The following MAD1L1 variants were observed in gnomAD, a reference collection of about 807,000 sequenced individuals.
The protein encoded by MAD1L1 is mitotic arrest deficient 1 like 1, also known as mitotic spindle assembly checkpoint protein MAD1.
A neutral mutation model predicts 96.9 loss-of-function variants in MAD1L1; 95 were observed. The observed-to-expected ratio is 0.98, with a 90% confidence interval of 0.83 to 1.16. The LOEUF (loss-of-function observed/expected upper bound fraction) is 1.16. MAD1L1 is among the 50% of genes most tolerant of loss of function. The pLI, the probability that MAD1L1 is intolerant of heterozygous loss-of-function variation, is 0.00. For synonymous variants in MAD1L1, 473 were observed against 396.6 expected, an observed-to-expected ratio of 1.19 and a Z score of -2.29; for missense variants, 1,007 against 954.4, an observed-to-expected ratio of 1.06 and a Z score of -0.73.
At chr7:1,890,534 T>C (rs1786472592) in intron 18 of MAD1L1, among the ~76,000 whole-genome samples, 2 of 152,228 alleles carry the variant, frequency 1.3e-5, no homozygotes, top group Non-Finnish European at 1.5e-5. Context: ...CCACCAGAAT[T>C]GTGAGCCAAA....
At chr7:1,902,172 C>T (rs896543077) in intron 17 of MAD1L1, among the ~76,000 whole-genome samples, 1 of 152,210 alleles carries the variant, frequency 6.6e-6, no homozygotes, top group Non-Finnish European at 1.5e-5. Context: ...AGCCCCACAC[C>T]TGCCTCCTCC....
intron 11 of MAD1L1, among the ~76,000 whole-genome samples, chr7:2,145,370 C>T (rs1789245888): frequency 6.6e-6 from 1 of 152,228 alleles, no homozygotes; most frequent in South Asian, 2.1e-4. Flanking sequence ...CTTCTTGCCT[C>T]TACCAACTCC....
At chr7:2,099,402 T>C (rs1021453133) in intron 11 of MAD1L1, among the ~76,000 whole-genome samples, 1 of 152,240 alleles carries the variant, frequency 6.6e-6, no homozygotes, top group Non-Finnish European at 1.5e-5. Context: ...TATTCCTCTC[T>C]CGCTGCCTTC....
At chr7:1,988,662 C>T (rs1781269557) in intron 14 of MAD1L1, among the ~76,000 whole-genome samples, 1 of 152,206 alleles carries the variant, frequency 6.6e-6, no homozygotes. Context: ...AGGCGCACAG[C>T]GTGGCTGGGG....
At chr7:2,137,555 G>C (rs3778996) in intron 11 of MAD1L1, among the ~76,000 whole-genome samples, 2 of 151,966 alleles carry the variant, frequency 1.3e-5, no homozygotes, top group Admixed American at 6.6e-5. Flanking sequence ...CTCTGGCCCA[G>C]GTGAGTGAGG....
intron 10 of MAD1L1, among the ~76,000 whole-genome samples, chr7:2,163,350 G>A (rs955728200): frequency 6.6e-6 from 1 of 152,092 alleles, no homozygotes; most frequent in Non-Finnish European, 1.5e-5. Flanking sequence ...CTTGAGAATG[G>A]GCACACAGGC....
intron 11 of MAD1L1, among the ~76,000 whole-genome samples, chr7:2,139,000 T>C (rs887642388): frequency 3.0e-4 from 46 of 152,248 alleles, no homozygotes; most frequent in Admixed American, 3.3e-4. Context: ...GGAGTCAACA[T>C]GCATCGGAGA....
intron 18 of MAD1L1, among the ~76,000 whole-genome samples, chr7:1,840,051 C>T (rs13237891): frequency 0.35 from 53,210 of 152,126 alleles, 9,713 homozygotes; most frequent in Non-Finnish European, 0.42. Flanking sequence ...TCCACATGGG[C>T]GAGGGCCAGA....
intron 12 of MAD1L1, among the ~76,000 whole-genome samples, chr7:2,032,797 G>C (rs1424252635): frequency 1.3e-5 from 2 of 152,220 alleles, no homozygotes; most frequent in Non-Finnish European, 2.9e-5. Flanking sequence ...TGCTCTCCCA[G>C]AACTCAGCCT....
At chr7:1,902,623 A>G (rs1353309896) in intron 17 of MAD1L1, among the ~76,000 whole-genome samples, 8 of 152,196 alleles carry the variant, frequency 5.3e-5, no homozygotes, top group Non-Finnish European at 1.5e-5. Context: ...CCGGGGCCTG[A>G]GCTATACCCA....
At chr7:2,218,086 G>A (rs188093619) in intron 6 of MAD1L1, 43 bp from the exon 7 acceptor site, 9 of 1,474,676 alleles carry the variant, frequency 6.1e-6, no homozygotes, top group Middle Eastern at 3.4e-4. Flanking sequence ...CAGGCATGCG[G>A]CAAGGCCAAC....
In MAD1L1 at chr7:2,142,260, G is replaced by A. The variant is rs772290310; in HGVS notation, c.1073+6892C>T. Among the ~76,000 whole-genome samples, 18 of 152,204 alleles carry A rather than the reference G, an allele frequency of 1.2e-4. No individual in the cohort carries two copies. Among genetic ancestry groups the A allele is most frequent in the Non-Finnish European group, 1.6e-4 (11 of 68,036 alleles). ...ACAAGGCAGGCACGTGCCAGCATCC[G>A]CACTGGAACCACCACAGGAAAGCAG... On this transcript the variant is annotated intron_variant, in intron 11 of 18. Transcript: ENST00000265854. The surrounding 1 kb of genome is among the most constrained non-coding windows in gnomAD (Gnocchi z 4.7).
chr7:2,232,465 T>C (rs1794246084), intron 1 of MAD1L1, among the ~76,000 whole-genome samples: 1 of 152,132 alleles, frequency 6.6e-6, no homozygotes. Context: ...CCCCGACTTC[T>C]CCACCAGGCG....
chr7:2,069,679 C>T (rs945171392), intron 11 of MAD1L1, among the ~76,000 whole-genome samples: 2 of 152,190 alleles, frequency 1.3e-5, no homozygotes, highest in Non-Finnish European at 2.9e-5. Context: ...TCTGAATCAC[C>T]GCAGATGTGC....
intron 16 of MAD1L1, among the ~76,000 whole-genome samples, chr7:1,941,356 TG>T (rs2128466871): frequency 6.6e-6 from 1 of 152,222 alleles, no homozygotes; most frequent in South Asian, 2.1e-4. Context: ...TCCCCCCTGA[TG>T]GGGGGCTTGA....
chr7:1,970,953 C>A (rs967825821), intron 15 of MAD1L1, among the ~76,000 whole-genome samples: 1 of 152,224 alleles, frequency 6.6e-6, no homozygotes, highest in Non-Finnish European at 1.5e-5. Context: ...TTAAATGAAT[C>A]CCTTCCATTG....
intron 18 of MAD1L1, among the ~76,000 whole-genome samples, chr7:1,867,467 G>A (rs1784831685): frequency 1.3e-5 from 2 of 152,262 alleles, no homozygotes; most frequent in African/African-American, 4.8e-5. Context: ...AATTGGGACA[G>A]ATCTGGCCCT....
intron 10 of MAD1L1, among the ~76,000 whole-genome samples, chr7:2,168,903 C>T (rs554890632): frequency 2.0e-5 from 3 of 152,278 alleles, no homozygotes; most frequent in Admixed American, 6.5e-5. Context: ...GGGAGGAACA[C>T]GCTAAGGAGC....
chr7:2,227,070 C>A (rs905151776), intron 3 of MAD1L1, among the ~76,000 whole-genome samples: 1 of 148,776 alleles, frequency 6.7e-6, no homozygotes, highest in Non-Finnish European at 1.5e-5. Context: ...AAGGTGGGTA[C>A]ATAACTTGAG....
Sources: allele counts gnomAD v4.1 joint callset (sites outside exome capture counted in the v4.1 genomes callset), GRCh38; gene constraint gnomAD v4.1.1; non-coding constraint Gnocchi (gnomAD v3.1); transcripts MANE v1.5; gene names NCBI Gene and HGNC (gene_info 2026-07-23, HGNC 2026-07-21).